The following MBNL1 variants were observed in gnomAD, a reference collection of about 807,000 sequenced individuals.
The protein encoded by MBNL1 is muscleblind like splicing regulator 1.
MBNL1 carries 8 observed loss-of-function variants against 42.2 expected under a neutral mutation model. The ratio of observed to expected loss-of-function variants is 0.19; its 90% CI spans 0.11 to 0.34. The LOEUF (loss-of-function observed/expected upper bound fraction) is 0.34. Among genes scored for constraint, MBNL1 ranks in the 10% least tolerant of loss-of-function variants. The pLI is 1.00. For missense variants in MBNL1, 309 were observed against 495.3 expected (o/e 0.62, Z 3.57); for synonymous variants, 169 against 173.9 (o/e 0.97, Z 0.22).
intron 2 of MBNL1, among the ~76,000 whole-genome samples, chr3:152,352,379 G>A (rs1235572362): frequency 6.6e-6 from 1 of 152,142 alleles, no homozygotes; most frequent in Non-Finnish European, 1.5e-5. Flanking sequence ...AGGAAAGCAT[G>A]AGAACATCAT....
intron 2 of MBNL1, among the ~76,000 whole-genome samples, chr3:152,377,670 T>C (rs1241425236): frequency 6.6e-6 from 1 of 152,222 alleles, no homozygotes; most frequent in South Asian, 2.1e-4. Flanking sequence ...GCCACATTCA[T>C]GTTTCAGAAT....
chr3:152,432,738 A>G lies in MBNL1; in HGVS notation c.367A>G (p.Ser123Gly), dbSNP rs1435268792. The G allele has an allele frequency of 6.2e-7, 1 of 1,614,214 alleles. No homozygotes were observed. Among genetic ancestry groups the G allele is most frequent in the Non-Finnish European group, 8.5e-7 (1 of 1,180,026 alleles). The change falls in exon 4 of 10, where the codon AGC (serine) becomes GGC (glycine). Residue 123 changes from serine (S) to glycine (G), a missense_variant. Physicochemically the swap from Ser to Gly is moderately conservative, Grantham distance 56 (BLOSUM62 0). Coordinates refer to ENST00000324210, the MANE Select transcript of MBNL1 (RefSeq NM_021038.5). ...TCAGCCAATGTTTTCAGTTGCACCA[A>G]GCTTAGCCACCAATGCATCAGCAGC... ...QPVPMFSVAP[S>G]LATNASAAAF...
chr3:152,421,735 T>G (rs904810863), intron 3 of MBNL1, among the ~76,000 whole-genome samples: 1 of 152,184 alleles, frequency 6.6e-6, no homozygotes, highest in Non-Finnish European at 1.5e-5. Context: ...AGCAGATTTC[T>G]CTGCAGAAAC....
intron 2 of MBNL1, among the ~76,000 whole-genome samples, chr3:152,251,346 C>T (rs974089129): frequency 6.6e-6 from 1 of 151,952 alleles, no homozygotes; most frequent in Non-Finnish European, 1.5e-5. Flanking sequence ...TACATGGTGG[C>T]TAAATGTATA....
intron 2 of MBNL1, among the ~76,000 whole-genome samples, chr3:152,342,651 C>T (rs1261579426): frequency 4.6e-5 from 7 of 151,862 alleles, no homozygotes; most frequent in Non-Finnish European, 8.8e-5. Flanking sequence ...AACACTACCT[C>T]TCAACTCTAA....
At chr3:152,376,965 C>G (rs1315867766) in intron 2 of MBNL1, among the ~76,000 whole-genome samples, 3 of 152,100 alleles carry the variant, frequency 2.0e-5, no homozygotes, top group Non-Finnish European at 4.4e-5. Context: ...CCCGTACTTC[C>G]CCTAGACTTA....
intron 2 of MBNL1, among the ~76,000 whole-genome samples, chr3:152,310,949 A>G (rs2066022246): frequency 6.6e-6 from 1 of 151,392 alleles, no homozygotes; most frequent in African/African-American, 2.4e-5. Context: ...AATATATTTT[A>G]AATCACAAAA....
chr3:152,418,805 C>T (rs1041542749), intron 3 of MBNL1, among the ~76,000 whole-genome samples: 6 of 151,412 alleles, frequency 4.0e-5, no homozygotes, highest in Admixed American at 3.9e-4. Context: ...CAAGCTCCGC[C>T]TCCCAAGTTC....
intron 2 of MBNL1, among the ~76,000 whole-genome samples, chr3:152,250,594 A>G (rs2034347873): frequency 6.6e-6 from 1 of 151,494 alleles, no homozygotes; most frequent in African/African-American, 2.4e-5. Flanking sequence ...CTCTTTTCCT[A>G]ATTGAATACC....
upstream of MBNL1, chr3:152,265,355 A>G (rs2037020934): frequency 6.6e-6 from 1 of 151,420 alleles, no homozygotes; most frequent in Admixed American, 6.6e-5. Flanking sequence ...CCTCCTTGAG[A>G]TATTTTTATT....
chr3:152,269,086 GTGAGAGGTAAGTTTCC>G lies in MBNL1; in HGVS notation c.-795_-790+10del. ...GTGGGGCCGCCTCTGAAAAAAAAAT[GTGAGAGGTAAGTTTCC>G]ATTTTCACAGTTTCCCCGCGCCGCT... On this transcript the variant is annotated splice_donor_variant and splice_donor_5th_base_variant and 5_prime_UTR_variant and intron_variant, in exon 1 of 10. Transcript: ENST00000324210. LOFTEE classifies it low-confidence loss of function (5UTR_SPLICE). 2.2e-6 allele frequency: 1 copy of G among 455,098 alleles called. No individual in the cohort carries two copies. Among genetic ancestry groups the G allele is most frequent in the Non-Finnish European group, 4.4e-6 (1 of 226,702 alleles). The allele number at this position is 455,098 out of a possible 1,614,324, so 28.2% of individuals were successfully genotyped here.
intron 2 of MBNL1, among the ~76,000 whole-genome samples, chr3:152,325,083 A>C (rs1453672767): frequency 4.2e-4 from 11 of 25,992 alleles, no homozygotes; most frequent in Non-Finnish European, 5.3e-4. Flanking sequence ...AATGCCACAT[A>C]CCCGCCCCCC....
chr3:152,440,552 A>G (rs1377340165), intron 4 of MBNL1, among the ~76,000 whole-genome samples: 1 of 152,184 alleles, frequency 6.6e-6, no homozygotes, highest in Non-Finnish European at 1.5e-5. Context: ...ATTACCTCCC[A>G]CCGGGTCTGT....
chr3:152,364,381 A>G (rs934949760), intron 2 of MBNL1, among the ~76,000 whole-genome samples: 1 of 152,066 alleles, frequency 6.6e-6, no homozygotes, highest in African/African-American at 2.4e-5. Context: ...TGCTAGTAAA[A>G]CACTACATAG....
At chr3:152,411,192 C>T (rs2153622041) in intron 2 of MBNL1, among the ~76,000 whole-genome samples, 1 of 152,288 alleles carries the variant, frequency 6.6e-6, no homozygotes, top group East Asian at 1.9e-4. Context: ...TAAAATTATA[C>T]AGTTATCTCA....
At chr3:152,340,469 G>T (rs1008955000) in intron 2 of MBNL1, 2 of 1,509,784 alleles carry the variant, frequency 1.3e-6, no homozygotes, top group South Asian at 1.4e-5. Context: ...ATCAGACTAT[G>T]TGAATTTATA....
At chr3:152,338,120 C>T in intron 2 of MBNL1, 2 of 982,742 alleles carry the variant, frequency 2.0e-6, no homozygotes, top group Non-Finnish European at 2.4e-6. Flanking sequence ...CTTTCTAGAA[C>T]TAAATCTCCA....
intron 2 of MBNL1, among the ~76,000 whole-genome samples, chr3:152,314,977 T>G (rs898164268): frequency 1.3e-5 from 2 of 152,222 alleles, no homozygotes; most frequent in African/African-American, 4.8e-5. Context: ...GGTTATTGAT[T>G]ATTGCCCATT....
In MBNL1 at chr3:152,370,788, A is replaced by C. The variant is rs148640411; in HGVS notation, c.175-44153A>C. ...GTCTTTTTTGATCTTGGTTGGTTTAAAGTCTGTTTTATCAGAGGCTAGGAT... is the reference window on the plus strand; with the variant it reads ...GTCTTTTTTGATCTTGGTTGGTTTACAGTCTGTTTTATCAGAGGCTAGGAT... On this transcript the variant is annotated intron_variant, in intron 2 of 9. Coordinates refer to ENST00000324210, the MANE Select transcript of MBNL1 (RefSeq NM_021038.5). Among the ~76,000 whole-genome samples the C allele has an allele frequency of 6.4e-3, 959 of 150,518 alleles. 9 individuals are homozygous for C. The highest frequency in any genetic ancestry group is 0.022 in the African/African-American group (916 of 41,158).
Sources: allele counts gnomAD v4.1 joint callset (sites outside exome capture counted in the v4.1 genomes callset), GRCh38; gene constraint gnomAD v4.1.1; transcripts MANE v1.5; gene names NCBI Gene and HGNC (gene_info 2026-07-23, HGNC 2026-07-21).